HELQ: variants seen among roughly 807,000 people sequenced by gnomAD.
The protein encoded by HELQ is helicase POLQ-like.
HELQ carries 77 observed loss-of-function variants against 111.6 expected under a neutral mutation model. The ratio of observed to expected loss-of-function variants is 0.69; its 90% CI spans 0.57 to 0.83. The LOEUF (loss-of-function observed/expected upper bound fraction) is 0.83, where lower values mean the gene tolerates loss of function less well. HELQ is among the 40% of genes least tolerant of loss of function. The probability of loss-of-function intolerance (pLI) is 0.00; values close to 1 mark genes in which losing one functional copy is unlikely to be tolerated. For synonymous variants in HELQ, 438 were observed against 454.7 expected (o/e 0.96, Z 0.47); for missense variants, 1,200 against 1,288.5 (o/e 0.93, Z 1.05).
At chr4:83,412,893 AG>A (rs1166800188) in intron 17 of HELQ, among the ~76,000 whole-genome samples, 3 of 152,248 alleles carry the variant, frequency 2.0e-5, no homozygotes, top group African/African-American at 7.2e-5. Context: ...AATGCTGCAC[AG>A]AGAGGCCAGA....
At chr4:83,447,761 G>A (rs60524270) in intron 3 of HELQ, among the ~76,000 whole-genome samples, 13,803 of 151,024 alleles carry the variant, frequency 0.091, 2,057 homozygotes, top group African/African-American at 0.32. Flanking sequence ...GGGTGGGGTC[G>A]TGGGGCATGA....
chr4:83,448,630 A>C (rs1186243256), intron 3 of HELQ, among the ~76,000 whole-genome samples, 153 bp downstream of exon 3: 1 of 150,808 alleles, frequency 6.6e-6, no homozygotes, highest in Non-Finnish European at 1.5e-5. Context: ...AGATGGTGCC[A>C]CTGCACTCCA....
chr4:83,409,731 A>C, intron 17 of HELQ, among the ~76,000 whole-genome samples: 1 of 152,174 alleles, frequency 6.6e-6, no homozygotes. Context: ...CTCTCTAAAT[A>C]AGAAGTTAAA....
At chr4:83,418,797 G>C (rs1301419490) in intron 15 of HELQ, among the ~76,000 whole-genome samples, 1 of 152,152 alleles carries the variant, frequency 6.6e-6, no homozygotes, top group Non-Finnish European at 1.5e-5. Flanking sequence ...GCATTAGCTA[G>C]CCATCTTGTG....
At chr4:83,412,448 AAAAC>A (rs1236237432) in intron 17 of HELQ, among the ~76,000 whole-genome samples, 1 of 152,194 alleles carries the variant, frequency 6.6e-6, no homozygotes, top group African/African-American at 2.4e-5. Flanking sequence ...TAGACCTCAG[AAAAC>A]AGAATTTCTC....
At position 83,416,802 on chromosome 4, in the gene HELQ, G is replaced by A. The variant is rs1461527697; in HGVS notation, c.3127C>T (p.Pro1043Ser). The change falls in exon 17 of 18, where the codon CCT (proline) becomes TCT (serine). Residue 1043 changes from proline to serine, a missense_variant. Physicochemically the swap from Pro to Ser is moderately conservative, Grantham distance 74. Transcript: ENST00000295488. ...KSLMHLANAN[P>S]EVLVRTIDHL... ...TCAATTGTCCTTACGAGCACTTCAGGATTTGCATTAGCTAAGTGCATTAGA... is the reference window on the plus strand; with the variant it reads ...TCAATTGTCCTTACGAGCACTTCAGAATTTGCATTAGCTAAGTGCATTAGA... 21 of 1,613,562 alleles carry A rather than the reference G, an allele frequency of 1.3e-5. No individual in the cohort carries two copies. Among genetic ancestry groups the A allele is most frequent in the African/African-American group, 2.7e-5 (2 of 74,898 alleles).
In HELQ at chr4:83,447,011, T is replaced by C. The variant is rs372496040; in HGVS notation, c.1216A>G (p.Ile406Val). 11 of 1,612,712 alleles carry C rather than the reference T, an allele frequency of 6.8e-6. No individual in the cohort carries two copies. The African/African-American group carries it at 9.4e-5, about 14-fold the overall frequency. ...EKISGLSSFG[I>V]ELGFFVEEYA... ...TCTTCAACAAAGAAACCGAGTTCTATACCAAAACTTGACAAACCTGAAATC... is the reference window on the plus strand; with the variant it reads ...TCTTCAACAAAGAAACCGAGTTCTACACCAAAACTTGACAAACCTGAAATC... The change falls in exon 4 of 18, where the codon ATA becomes GTA. Residue 406 changes from isoleucine (I) to valine (V), a missense_variant. By Grantham distance (29) the Ile-to-Val change is conservative (BLOSUM62 3). Coordinates refer to ENST00000295488, the MANE Select transcript of HELQ (RefSeq NM_133636.5).
intron 16 of HELQ, among the ~76,000 whole-genome samples, chr4:83,417,607 T>C (rs1211333810): frequency 6.6e-6 from 1 of 152,178 alleles, no homozygotes; most frequent in Non-Finnish European, 1.5e-5. Flanking sequence ...ACTCAAGAAC[T>C]GAATAACAGA....
chr4:83,454,383 G>A (rs1399599971), intron 1 of HELQ, among the ~76,000 whole-genome samples: 1 of 152,056 alleles, frequency 6.6e-6, no homozygotes, highest in African/African-American at 2.4e-5. Flanking sequence ...GCAGGTTCAG[G>A]AGTGTTACGA....
chr4:83,434,176 G>A (rs2109991263), intron 9 of HELQ, among the ~76,000 whole-genome samples: 1 of 151,604 alleles, frequency 6.6e-6, no homozygotes, highest in East Asian at 2.0e-4. Flanking sequence ...TTTGAGACCA[G>A]CCTGGCCAAC....
In HELQ at chr4:83,455,613, G is replaced by A. The variant is rs1189658657; in HGVS notation, c.81C>T (p.Gly27=). The A allele has an allele frequency of 1.9e-6, 3 of 1,613,514 alleles. No homozygotes were observed. In the African/African-American group the frequency reaches 4.0e-5, roughly 22 times the overall value. The part of the protein sequence containing the change: ...RNRPSLGCIF[G]APTAAELVPG... ...GCACGAGCTCGGCCGCGGTGGGAGC[G>A]CCAAAAATACACCCCAAGCTTGGAC... is the stretch of plus-strand genomic sequence containing the variant. The change falls in exon 1 of 18, where the codon GGC becomes GGT. Residue 27 remains glycine, a synonymous_variant. Transcript: ENST00000295488.
chr4:83,435,500 C>G (rs955895161), intron 9 of HELQ, among the ~76,000 whole-genome samples: 1 of 151,144 alleles, frequency 6.6e-6, no homozygotes, highest in Non-Finnish European at 1.5e-5. Flanking sequence ...CAGATATCTT[C>G]AACTATGCAA....
In HELQ at chr4:83,426,351, G is replaced by A. The variant is rs1006622039; in HGVS notation, c.2677-259C>T. 2.8e-4 allele frequency among the ~76,000 whole-genome samples: 42 copies of A among 151,936 alleles called. 1 individual carries two copies. Among genetic ancestry groups the A allele is most frequent in the Non-Finnish European group, 4.4e-5 (3 of 67,992 alleles). On this transcript the variant is annotated intron_variant, in intron 13 of 17. Coordinates refer to ENST00000295488, the MANE Select transcript of HELQ (RefSeq NM_133636.5). ...ACTATATTTAATACCAGATGGCTGAGGGGAAGGAGAAGGAAAGGTTTGAGA... is the reference window on the plus strand; with the variant it reads ...ACTATATTTAATACCAGATGGCTGAAGGGAAGGAGAAGGAAAGGTTTGAGA...
At chr4:83,442,260 ATTTTTTTTTT>A (rs70949710) in intron 6 of HELQ, among the ~76,000 whole-genome samples, 1 of 82,080 alleles carries the variant, frequency 1.2e-5, no homozygotes, top group East Asian at 4.1e-4. Context: ...AAAAACATCA[ATTTTTTTTTT>A]TTTTTTTTTT....
chr4:83,439,830 AT>A, intron 8 of HELQ, 32 bp downstream of exon 8: 1 of 1,356,330 alleles, frequency 7.4e-7, no homozygotes, highest in Non-Finnish European at 1.0e-6. Context: ...CCTAATAAAA[AT>A]AAAACAGGCT....
chr4:83,454,204 A>G (rs1393213526), intron 1 of HELQ, among the ~76,000 whole-genome samples: 2 of 152,310 alleles, frequency 1.3e-5, no homozygotes, highest in South Asian at 4.2e-4. Flanking sequence ...CTCTGTCTCA[A>G]AAAAACCAAA....
At chr4:83,429,768 T>C (rs771971379) in intron 11 of HELQ, 22 bp from the exon 12 acceptor site, 20 of 1,512,344 alleles carry the variant, frequency 1.3e-5, no homozygotes, top group Middle Eastern at 1.7e-4. Flanking sequence ...CAGGATATCA[T>C]TGGAGCATTT....
intron 17 of HELQ, among the ~76,000 whole-genome samples, chr4:83,413,862 C>T (rs901929532): frequency 1.1e-4 from 17 of 152,224 alleles, no homozygotes; most frequent in African/African-American, 4.1e-4. Context: ...AGCTGTTGGT[C>T]ATGTGAGTGA....
chr4:83,434,426 T>G (rs1720337957), intron 9 of HELQ, among the ~76,000 whole-genome samples: 1 of 152,076 alleles, frequency 6.6e-6, no homozygotes, highest in South Asian at 2.1e-4. Flanking sequence ...TGAAAATAGT[T>G]AATGGATACA....
Sources: gnomAD v4.1 joint callset for allele counts (sites outside exome capture counted in the v4.1 genomes callset) on GRCh38, gnomAD v4.1.1 for gene constraint, MANE v1.5 for transcripts, NCBI Gene and HGNC (gene_info 2026-07-23, HGNC 2026-07-21) for gene names.